SLCO3A1: variants seen among roughly 807,000 people sequenced by gnomAD.
SLCO3A1 encodes the protein PGE1 transporter.
Under a neutral mutation model 63.1 loss-of-function variants are expected in SLCO3A1, and 27 were observed. That is an observed-to-expected ratio of 0.43 (90% CI 0.32 to 0.59). The LOEUF is 0.59. Ranked by LOEUF, SLCO3A1 falls within the 20% of genes least tolerant of loss-of-function variation. The pLI is 0.09. For synonymous variants in SLCO3A1, 473 were observed against 409.9 expected (o/e 1.15, Z -1.86); for missense variants, 773 against 945.8 (o/e 0.82, Z 2.40).
chr15:91,900,035 C>T lies in SLCO3A1; in HGVS notation c.181-15958C>T, dbSNP rs910749575. Among the ~76,000 whole-genome samples the T allele has an allele frequency of 9.2e-5, 14 of 152,130 alleles. No individual in the cohort carries two copies. Among genetic ancestry groups the T allele is most frequent in the Admixed American group, 9.2e-4 (14 of 15,280 alleles). ...GTTGGTGTTATATTTTTGGTTATAT[C>T]ACATTTTGTTTCTCTGTTAACCATT... On this transcript the variant is annotated intron_variant, in intron 1 of 9. Coordinates refer to ENST00000318445, the MANE Select transcript of SLCO3A1 (RefSeq NM_013272.4). The surrounding 1 kb of genome is among the most constrained non-coding windows in gnomAD (Gnocchi z 4.3).
At chr15:92,058,908 G>C (rs2047053534) in intron 2 of SLCO3A1, among the ~76,000 whole-genome samples, 1 of 152,180 alleles carries the variant, frequency 6.6e-6, no homozygotes, top group South Asian at 2.1e-4. Flanking sequence ...CTCTGTGCCT[G>C]TGTCTTTCTC....
At chr15:92,171,981 C>A in exon 11 of SLCO3A1, 1 of 746,814 alleles carries the variant, frequency 1.3e-6, no homozygotes, top group Non-Finnish European at 2.3e-6. Flanking sequence ...TGTGGATTAT[C>A]CAGCCAGTGT....
chr15:92,137,269 C>T (rs2048071607), intron 7 of SLCO3A1, among the ~76,000 whole-genome samples: 1 of 111,420 alleles, frequency 9.0e-6, no homozygotes, highest in Non-Finnish European at 1.7e-5. Context: ...TGATGATTTC[C>T]AATTTCATCC....
intron 1 of SLCO3A1, among the ~76,000 whole-genome samples, chr15:91,913,873 T>C (rs1046175068): frequency 4.6e-5 from 7 of 152,204 alleles, no homozygotes; most frequent in Non-Finnish European, 8.8e-5. Context: ...TCTTACATCT[T>C]TTCCTGTTCA....
At chr15:92,049,681 A>G (rs2046933669) in intron 2 of SLCO3A1, among the ~76,000 whole-genome samples, 1 of 152,214 alleles carries the variant, frequency 6.6e-6, no homozygotes, top group South Asian at 2.1e-4. Flanking sequence ...GCTAGTTAAT[A>G]GCCCATGACA....
chr15:91,916,518 G>T lies in SLCO3A1; in HGVS notation c.646+60G>T, dbSNP rs1250371956. ...AGGGTGTGTTGACCATGGATAAAAG[G>T]TGGCCTGGTGGACTTTGATTTTGCC... On this transcript the variant is annotated intron_variant, in intron 2 of 9. Coordinates refer to ENST00000318445, the MANE Select transcript of SLCO3A1 (RefSeq NM_013272.4). This position sits in a 1 kb window ranked among gnomAD's most constrained non-coding sequence, Gnocchi z 6.2. 2 of 1,288,174 alleles carry T rather than the reference G, an allele frequency of 1.6e-6. No individual in the cohort carries two copies. The highest frequency in any genetic ancestry group is 2.7e-5 in the Admixed American group (1 of 37,128). The allele number at this position is 1,288,174 out of a possible 1,614,324, so 79.8% of individuals were successfully genotyped here.
At chr15:92,037,803 G>A (rs532634319) in intron 2 of SLCO3A1, among the ~76,000 whole-genome samples, 60 of 152,288 alleles carry the variant, frequency 3.9e-4, no homozygotes, top group African/African-American at 1.4e-3. Flanking sequence ...CTTCCCTTCA[G>A]CTGGTTTTTA....
At chr15:92,063,167 A>G (rs2047107577) in intron 2 of SLCO3A1, among the ~76,000 whole-genome samples, 2 of 152,218 alleles carry the variant, frequency 1.3e-5, no homozygotes, top group African/African-American at 4.8e-5. Flanking sequence ...ATGTTTTACC[A>G]GGGTTCATTT....
chr15:92,038,957 A>G (rs2046761582), intron 2 of SLCO3A1, among the ~76,000 whole-genome samples: 1 of 152,216 alleles, frequency 6.6e-6, no homozygotes, highest in Admixed American at 6.5e-5. Flanking sequence ...CCACACATCT[A>G]CAACCATCTG....
intron 2 of SLCO3A1, among the ~76,000 whole-genome samples, chr15:92,053,418 C>T (rs1185895129): frequency 3.3e-5 from 5 of 152,158 alleles, no homozygotes; most frequent in Admixed American, 1.3e-4. Flanking sequence ...TTGTCACAAC[C>T]GATGACCAGT....
intron 2 of SLCO3A1, among the ~76,000 whole-genome samples, chr15:92,069,039 C>A (rs1005271855): frequency 2.6e-5 from 4 of 152,130 alleles, no homozygotes; most frequent in African/African-American, 4.8e-5. Context: ...GACCGAGGTT[C>A]TTCCCCTCAA....
rs995406162 is a variant in SLCO3A1, at chr15:91,885,498, T to C, written c.181-30495T>C. Among the ~76,000 whole-genome samples the C allele has an allele frequency of 3.3e-5, 5 of 152,200 alleles. No homozygotes were observed. The highest frequency in any genetic ancestry group is 2.6e-4 in the Admixed American group (4 of 15,290). On this transcript the variant is annotated intron_variant, in intron 1 of 9. Transcript: ENST00000318445. This position sits in a 1 kb window ranked among gnomAD's most constrained non-coding sequence, Gnocchi z 4.7. ...ACTCCAGCATGTCACAAATCATACA[T>C]TACAGGAAAAGGGAGCCCTTTGCTG... is the stretch of plus-strand genomic sequence containing the variant.
At chr15:92,091,616 C>T (rs1596092326) in intron 2 of SLCO3A1, among the ~76,000 whole-genome samples, 2 of 152,188 alleles carry the variant, frequency 1.3e-5, no homozygotes, top group African/African-American at 4.8e-5. Flanking sequence ...TCCCGATGCA[C>T]GAAGGCCCCT....
intron 3 of SLCO3A1, among the ~76,000 whole-genome samples, chr15:92,099,869 C>G (rs897433065): frequency 3.9e-5 from 6 of 151,978 alleles, no homozygotes; most frequent in African/African-American, 1.5e-4. Context: ...TGAGATCAGA[C>G]CAGCCAATAT....
chr15:91,880,407 C>CTGTGTGTGTGTGTGTGTGTGTGTG (rs1235050747), intron 1 of SLCO3A1, among the ~76,000 whole-genome samples: 209 of 142,900 alleles, frequency 1.5e-3, no homozygotes, highest in African/African-American at 5.0e-3. Flanking sequence ...CTCTCTCTCT[C>CTGTGTGTGTGTGTGTGTGTGTGTG]TCTGTGTGTG....
At chr15:92,155,065 T>A (rs2048354740) in intron 9 of SLCO3A1, 1 of 152,112 alleles carries the variant, frequency 6.6e-6, no homozygotes, top group African/African-American at 2.4e-5. Flanking sequence ...TGGACAAGTT[T>A]ATGTTGTTGA....
chr15:91,956,977 G>GTATATATATTATATATAC (rs1211504982), intron 2 of SLCO3A1, among the ~76,000 whole-genome samples: 66 of 8,836 alleles, frequency 7.5e-3, no homozygotes, highest in Admixed American at 9.3e-3. Context: ...TATATATATA[G>GTATATATATTATATATAC]TATATATAAT....
Position 91,886,711 on chromosome 15 carries a change from A to G in SLCO3A1, c.181-29282A>G, listed in dbSNP as rs980966798. ...CTTCACACTGACTACATCAATCTGA[A>G]TAATCGAGCTCAACTCCAGACAATA... is the stretch of plus-strand genomic sequence containing the variant. On this transcript the variant is annotated intron_variant, in intron 1 of 9. Coordinates refer to ENST00000318445, the MANE Select transcript of SLCO3A1 (RefSeq NM_013272.4). This position sits in a 1 kb window ranked among gnomAD's most constrained non-coding sequence, Gnocchi z 4.9. 6.6e-6 allele frequency among the ~76,000 whole-genome samples: 1 copy of G among 152,196 alleles called. No homozygotes were observed. Among genetic ancestry groups the G allele is most frequent in the East Asian group, 1.9e-4 (1 of 5,202 alleles).
chr15:91,971,691 T>C (rs559704464), intron 2 of SLCO3A1, among the ~76,000 whole-genome samples: 30 of 152,212 alleles, frequency 2.0e-4, no homozygotes, highest in African/African-American at 6.5e-4. Flanking sequence ...AAGATATACA[T>C]TAAATAAGGT....
Sources: allele counts gnomAD v4.1 joint callset (sites outside exome capture counted in the v4.1 genomes callset), GRCh38; gene constraint gnomAD v4.1.1; non-coding constraint Gnocchi (gnomAD v3.1); transcripts MANE v1.5; gene names NCBI Gene and HGNC (gene_info 2026-07-23, HGNC 2026-07-21).